Variants in CDH13 observed in about 807,000 individuals in gnomAD.
CDH13 encodes the protein cadherin 13.
CDH13 carries 24 observed loss-of-function variants against 63.8 expected under a neutral mutation model. The ratio of observed to expected loss-of-function variants is 0.38; its 90% CI spans 0.27 to 0.53. CDH13 has a LOEUF of 0.53. CDH13 is among the 20% of genes least tolerant of loss of function. The probability of loss-of-function intolerance (pLI) is 0.85; values close to 1 mark genes in which losing one functional copy is unlikely to be tolerated. For missense variants in CDH13, 1,049 were observed against 903.1 expected, an observed-to-expected ratio of 1.16 and a Z score of -2.07; for synonymous variants, 503 against 355.3, an observed-to-expected ratio of 1.42 and a Z score of -4.67.
intron 2 of CDH13, among the ~76,000 whole-genome samples, chr16:82,942,083 T>C (rs117908740): frequency 6.6e-6 from 1 of 152,354 alleles, no homozygotes; most frequent in Non-Finnish European, 1.5e-5. Flanking sequence ...TCAGGCTTAT[T>C]GCTTCTTGTG....
intron 8 of CDH13, among the ~76,000 whole-genome samples, chr16:83,625,024 A>G (rs768920221): frequency 1.3e-5 from 2 of 152,154 alleles, no homozygotes; most frequent in African/African-American, 2.4e-5. Context: ...GAAATTGGCC[A>G]TGGGGGGAAT....
At chr16:83,215,073 C>CTTTTTTCT (rs2039456640) in intron 4 of CDH13, among the ~76,000 whole-genome samples, 1 of 56,232 alleles carries the variant, frequency 1.8e-5, no homozygotes, top group Non-Finnish European at 3.0e-5. Flanking sequence ...TCAAACACCT[C>CTTTTTTCT]TTTTTTTTTT....
chr16:82,958,761 T>G lies in CDH13; in HGVS notation c.158-73249T>G, dbSNP rs1456127778. 4.6e-5 allele frequency among the ~76,000 whole-genome samples: 7 copies of G among 152,336 alleles called. No homozygotes were observed. The East Asian group carries it at 1.4e-3, about 29-fold the overall frequency. On this transcript the variant is annotated intron_variant, in intron 2 of 13. Coordinates refer to ENST00000567109, the MANE Select transcript of CDH13 (RefSeq NM_001257.5). ...TGTCTTCAGGGACCAGTAGCAGTCA[T>G]GTGAAAAGCAGGAAAGAGAGACGGT...
intron 1 of CDH13, among the ~76,000 whole-genome samples, chr16:82,634,173 G>C (rs555615538): frequency 2.1e-4 from 32 of 152,242 alleles, no homozygotes; most frequent in Non-Finnish European, 4.4e-5. Flanking sequence ...CACATGCCTG[G>C]GCAGGGCCCG....
intron 3 of CDH13, among the ~76,000 whole-genome samples, chr16:83,044,969 A>G (rs752967475): frequency 1.3e-5 from 2 of 152,172 alleles, no homozygotes; most frequent in African/African-American, 4.8e-5. Context: ...CTACCCTCCT[A>G]TCTCTTGTTA....
chr16:83,388,435 A>G (rs2091721198), intron 6 of CDH13, among the ~76,000 whole-genome samples: 1 of 152,120 alleles, frequency 6.6e-6, no homozygotes, highest in African/African-American at 2.4e-5. Flanking sequence ...CTTGGCCAAC[A>G]GTAAGATCCT....
Position 83,533,568 on chromosome 16 carries a change from G to A in CDH13, c.960+46913G>A, listed in dbSNP as rs139223775. Among the ~76,000 whole-genome samples, 352 of 152,084 alleles carry A rather than the reference G, an allele frequency of 2.3e-3. 5 individuals are homozygous for A. Among genetic ancestry groups the A allele is most frequent in the African/African-American group, 7.6e-3 (316 of 41,464 alleles). ...GAGGTGGTGGAATGGCACGGCCCAC[G>A]GCTTCCTTAGTTGTGGAAGTTGTGA... is the stretch of plus-strand genomic sequence containing the variant. On this transcript the variant is annotated intron_variant, in intron 7 of 13. Coordinates refer to ENST00000567109, the MANE Select transcript of CDH13 (RefSeq NM_001257.5).
At chr16:82,814,545 G>T (rs902709188) in intron 1 of CDH13, among the ~76,000 whole-genome samples, 2 of 152,152 alleles carry the variant, frequency 1.3e-5, no homozygotes, top group African/African-American at 4.8e-5. Context: ...ACCCATGGAG[G>T]TTTCTGGAGG....
At chr16:83,473,373 A>T (rs2151542725) in intron 6 of CDH13, among the ~76,000 whole-genome samples, 1 of 152,318 alleles carries the variant, frequency 6.6e-6, no homozygotes, top group African/African-American at 2.4e-5. Context: ...ATTTGCTAGC[A>T]CTTTCTTCCC....
Position 83,447,543 on chromosome 16 carries a change from GC to G in CDH13, c.782-38933del, listed in dbSNP as rs2072746094. Among the ~76,000 whole-genome samples, 10 of 152,074 alleles carry G rather than the reference GC, an allele frequency of 6.6e-5. 2 individuals are homozygous for G. The highest frequency in any genetic ancestry group is 6.6e-4 in the Admixed American group (10 of 15,266). On this transcript the variant is annotated intron_variant, in intron 6 of 13. Transcript: ENST00000567109. ...CAAAGAGCAGATAAACACCATTGGT[GC>G]TGTTTGAGCTGGGCGGGGCAGATGA...
At chr16:83,419,636 T>C (rs1597977085) in intron 6 of CDH13, among the ~76,000 whole-genome samples, 1 of 152,340 alleles carries the variant, frequency 6.6e-6, no homozygotes, top group East Asian at 1.9e-4. Context: ...GAGGGGAATT[T>C]ACTCAACACC....
intron 1 of CDH13, among the ~76,000 whole-genome samples, chr16:82,669,410 G>A (rs1449600258): frequency 6.6e-6 from 1 of 152,196 alleles, no homozygotes; most frequent in Non-Finnish European, 1.5e-5. Flanking sequence ...AAAGTCTACA[G>A]AGAAAATAGT....
At chr16:82,685,885 C>T (rs16958259) in intron 1 of CDH13, among the ~76,000 whole-genome samples, 6 of 152,108 alleles carry the variant, frequency 3.9e-5, no homozygotes, top group South Asian at 2.1e-4. Context: ...CTTTTTGATA[C>T]GTGGTTTTCA....
chr16:83,751,442 AT>A (rs60684453), intron 11 of CDH13, among the ~76,000 whole-genome samples: 37,064 of 151,118 alleles, frequency 0.25, 4,880 homozygotes, highest in Non-Finnish European at 0.31. Flanking sequence ...TAAAAAAAAA[AT>A]ATACCTCCCC....
At chr16:82,672,806 C>T (rs867048981) in intron 1 of CDH13, among the ~76,000 whole-genome samples, 22 of 135,222 alleles carry the variant, frequency 1.6e-4, no homozygotes, top group African/African-American at 4.7e-4. Context: ...CACACATACA[C>T]ACACACACAC....
At chr16:83,168,306 G>A (rs2037772315) in intron 4 of CDH13, among the ~76,000 whole-genome samples, 1 of 151,984 alleles carries the variant, frequency 6.6e-6, no homozygotes, top group African/African-American at 2.4e-5. Context: ...AATGGACGGT[G>A]CCATCCATTA....
chr16:83,551,532 A>G (rs1567757491), intron 7 of CDH13, among the ~76,000 whole-genome samples: 1 of 152,120 alleles, frequency 6.6e-6, no homozygotes, highest in Non-Finnish European at 1.5e-5. Flanking sequence ...TTGGTGCTTC[A>G]CTGTGTGCTG....
intron 1 of CDH13, among the ~76,000 whole-genome samples, chr16:82,731,804 T>C (rs775715550): frequency 5.3e-5 from 8 of 152,254 alleles, no homozygotes; most frequent in Non-Finnish European, 1.0e-4. Flanking sequence ...TACTTATCTT[T>C]GATATCAGTG....
At chr16:83,538,320 A>G (rs1375782925) in intron 7 of CDH13, among the ~76,000 whole-genome samples, 5 of 152,200 alleles carry the variant, frequency 3.3e-5, no homozygotes, top group African/African-American at 1.2e-4. Context: ...AGCATTAGTC[A>G]TCACTGTCCC....
Sources: gnomAD v4.1 joint callset for allele counts (sites outside exome capture counted in the v4.1 genomes callset) on GRCh38, gnomAD v4.1.1 for gene constraint, MANE v1.5 for transcripts, NCBI Gene and HGNC (gene_info 2026-07-23, HGNC 2026-07-21) for gene names.